PMS1: variants seen among roughly 807,000 people sequenced by gnomAD.
The protein encoded by PMS1 is PMS1 protein homolog 1.
Under a neutral mutation model 93.1 loss-of-function variants are expected in PMS1, and 79 were observed. The observed-to-expected ratio is 0.85, with a 90% confidence interval of 0.71 to 1.02. The LOEUF is 1.02. Among genes scored for constraint, PMS1 ranks in the 50% least tolerant of loss-of-function variants. The pLI, the probability that PMS1 is intolerant of heterozygous loss-of-function variation, is 0.00. For synonymous variants in PMS1, 335 were observed against 363.4 expected (o/e 0.92, Z 0.89); for missense variants, 1,064 against 1,085.3 (o/e 0.98, Z 0.28).
intron 12 of PMS1, among the ~76,000 whole-genome samples, chr2:189,874,022 T>C (rs922859684): frequency 6.6e-6 from 1 of 152,158 alleles, no homozygotes; most frequent in Non-Finnish European, 1.5e-5. Context: ...AAGATACTTA[T>C]TTCTTAAAAT....
At chr2:189,785,406 T>G (rs2048211387) in intron 1 of PMS1, 1 of 152,216 alleles carries the variant, frequency 6.6e-6, no homozygotes, top group African/African-American at 2.4e-5. Flanking sequence ...AAGTGTTCCT[T>G]TTCCCTCCCA....
chr2:189,873,346 A>G (rs1300059349), intron 11 of PMS1, 150 bp from the exon 12 acceptor site: 6 of 594,772 alleles, frequency 1.0e-5, no homozygotes, highest in Non-Finnish European at 6.1e-6. Flanking sequence ...GGAAATTACT[A>G]TTTGTTCTCC....
intron 4 of PMS1, among the ~76,000 whole-genome samples, chr2:189,813,880 G>T (rs1166134291): frequency 1.3e-5 from 2 of 152,140 alleles, no homozygotes; most frequent in African/African-American, 2.4e-5. Flanking sequence ...TAAAAGTATG[G>T]TGCTGCTTAC....
chr2:189,808,043 T>C (rs1036097774), intron 4 of PMS1, among the ~76,000 whole-genome samples: 2 of 152,202 alleles, frequency 1.3e-5, no homozygotes, highest in Non-Finnish European at 2.9e-5. Flanking sequence ...TTTTGAGTGA[T>C]TGAATCACAT....
At chr2:189,876,513 A>C (rs990576462) in intron 12 of PMS1, among the ~76,000 whole-genome samples, 2 of 152,188 alleles carry the variant, frequency 1.3e-5, no homozygotes, top group African/African-American at 4.8e-5. Context: ...TTTTTTAACA[A>C]CTATGATGCA....
At chr2:189,808,900 TTC>T (rs2050582808) in intron 4 of PMS1, among the ~76,000 whole-genome samples, 3 of 152,342 alleles carry the variant, frequency 2.0e-5, no homozygotes, top group Admixed American at 2.0e-4. Context: ...TCCTATCATT[TTC>T]TGTCATCACT....
intron 4 of PMS1, among the ~76,000 whole-genome samples, chr2:189,817,614 A>G (rs1016500547): frequency 6.6e-5 from 10 of 152,336 alleles, no homozygotes; most frequent in African/African-American, 2.4e-4. Flanking sequence ...ATTTCAGGTA[A>G]GAATTTCCAG....
At chr2:189,817,848 G>C (rs2051461450) in intron 4 of PMS1, among the ~76,000 whole-genome samples, 169 bp from the exon 5 acceptor site, 1 of 152,132 alleles carries the variant, frequency 6.6e-6, no homozygotes, top group African/African-American at 2.4e-5. Flanking sequence ...ACAAATAGAA[G>C]AGTCTAGCAT....
intron 11 of PMS1, among the ~76,000 whole-genome samples, chr2:189,868,378 T>A (rs1428583537): frequency 6.6e-6 from 1 of 152,230 alleles, no homozygotes; most frequent in Non-Finnish European, 1.5e-5. Flanking sequence ...AATGGATGAT[T>A]TGGTTCCATG....
At chr2:189,853,512 T>C (rs939527383) in intron 7 of PMS1, among the ~76,000 whole-genome samples, 2 of 144,680 alleles carry the variant, frequency 1.4e-5, no homozygotes, top group Non-Finnish European at 3.0e-5. Flanking sequence ...TTTCTTTTCT[T>C]TTCTTTTCTT....
chr2:189,799,222 A>T lies in PMS1; in HGVS notation c.315+3271A>T, dbSNP rs532566561. On this transcript the variant is annotated intron_variant, in intron 3 of 12. Coordinates refer to ENST00000441310, the MANE Select transcript of PMS1 (RefSeq NM_000534.5). ...AATAGTGGAAAACTATAAAGTTTTT[A>T]AAAAAATGTTTGCAATGCCAAGCAT... Among the ~76,000 whole-genome samples, 1,339 of 152,320 alleles carry T rather than the reference A, an allele frequency of 8.8e-3. 19 individuals are homozygous for T. Among genetic ancestry groups the T allele is most frequent in the African/African-American group, 0.029 (1,216 of 41,566 alleles).
intron 4 of PMS1, among the ~76,000 whole-genome samples, chr2:189,811,264 G>A (rs2050818472): frequency 6.8e-6 from 1 of 147,174 alleles, no homozygotes; most frequent in African/African-American, 2.6e-5. Context: ...GAGAGAGAAT[G>A]GGGCAGAACA....
At chr2:189,825,416 ATAAAG>A (rs1326512354) in intron 5 of PMS1, among the ~76,000 whole-genome samples, 1 of 152,168 alleles carries the variant, frequency 6.6e-6, no homozygotes, top group African/African-American at 2.4e-5. Flanking sequence ...ATTTTTATTT[ATAAAG>A]TAGTTATTTT....
intron 5 of PMS1, among the ~76,000 whole-genome samples, chr2:189,836,595 A>G (rs149074486): frequency 2.0e-5 from 3 of 152,296 alleles, no homozygotes; most frequent in East Asian, 1.9e-4. Context: ...ATCACATTTT[A>G]TAGTTTAGTT....
At chr2:189,805,874 G>C in intron 4 of PMS1, 120 bp downstream of exon 4, 5 of 1,546,644 alleles carry the variant, frequency 3.2e-6, no homozygotes. Context: ...CCTGATAAAG[G>C]CTAGTTAACT....
At chr2:189,855,213 C>T (rs1265486789) in intron 9 of PMS1, 85 bp downstream of exon 9, 2 of 1,148,906 alleles carry the variant, frequency 1.7e-6, no homozygotes, top group Non-Finnish European at 2.6e-6. Flanking sequence ...ATTTTTTTCA[C>T]TTCTTATTTA....
rs750048736 is a variant in PMS1, at chr2:189,864,019, GAAACA to G, written c.2141_2145del (p.Asn714SerfsTer2). The G allele has an allele frequency of 6.2e-6, 10 of 1,609,384 alleles. No homozygotes were observed. The highest frequency in any genetic ancestry group is 5.5e-5 in the South Asian group (5 of 90,430). ...TGAAAAACTTAAAAATAAATTTTAA[GAAACA>G]AAACAAAGTTGACTTAGAAGAGAAG... is the stretch of plus-strand genomic sequence containing the variant. On this transcript the variant is annotated frameshift_variant, in exon 10 of 13. Transcript: ENST00000441310. LOFTEE classifies it high-confidence loss of function.
At chr2:189,789,627 C>A (rs2048665035) in intron 1 of PMS1, among the ~76,000 whole-genome samples, 1 of 152,146 alleles carries the variant, frequency 6.6e-6, no homozygotes, top group African/African-American at 2.4e-5. Flanking sequence ...ATTACTGAGT[C>A]TTTCTTTACA....
chr2:189,846,465 G>C (rs1034811733), intron 6 of PMS1, among the ~76,000 whole-genome samples: 1 of 151,350 alleles, frequency 6.6e-6, no homozygotes, highest in Admixed American at 6.6e-5. Context: ...ATTGAGCCCA[G>C]ATCTTGCCAC....
Sources: gnomAD v4.1 joint callset for allele counts (sites outside exome capture counted in the v4.1 genomes callset) on GRCh38, gnomAD v4.1.1 for gene constraint, MANE v1.5 for transcripts, NCBI Gene and HGNC (gene_info 2026-07-23, HGNC 2026-07-21) for gene names.